The following OCA2 variants were observed in gnomAD, a reference collection of about 807,000 sequenced individuals.
OCA2 encodes OCA2 melanosomal transmembrane protein, also known as P protein.
In OCA2, 77 loss-of-function variants were observed where a neutral mutation model predicts 100.2. The observed-to-expected ratio is 0.77, with a 90% CI of 0.64 to 0.93. OCA2 has a LOEUF of 0.93. Ranked by LOEUF, OCA2 falls within the 40% of genes least tolerant of loss-of-function variation. The pLI, the probability that OCA2 is intolerant of heterozygous loss-of-function variation, is 0.00. For synonymous variants in OCA2, 432 were observed against 439.2 expected, an observed-to-expected ratio of 0.98 and a Z score of 0.21; for missense variants, 1,062 against 1,089.1, an observed-to-expected ratio of 0.98 and a Z score of 0.35.
intron 15 of OCA2, among the ~76,000 whole-genome samples, chr15:27,966,009 C>T (rs1261584440): frequency 1.3e-5 from 2 of 152,112 alleles, no homozygotes; most frequent in Non-Finnish European, 2.9e-5. Flanking sequence ...TTCACTCTGT[C>T]GCCCAGGCTG....
intron 23 of OCA2, among the ~76,000 whole-genome samples, chr15:27,769,334 G>C (rs545347394): frequency 6.6e-6 from 1 of 152,304 alleles, no homozygotes; most frequent in East Asian, 1.9e-4. Flanking sequence ...TTAAAAACCT[G>C]CCTGTGCTGA....
Position 27,913,882 on chromosome 15 carries a change from A to G in OCA2, c.2079+12245T>C, listed in dbSNP as rs367700199. Among the ~76,000 whole-genome samples the G allele has an allele frequency of 0.031, 1,865 of 59,658 alleles. 291 individuals are homozygous for G. The East Asian group carries it at 0.53, about 17-fold the overall frequency. The allele number at this position is 59,658 out of a possible 152,430, so 39.1% of individuals were successfully genotyped here. ...AAGAAAGAAAGAAAGAAAGAAAGAA[A>G]GAAAGAAAGAAAGCAAGCAAGCAAG... On this transcript the variant is annotated intron_variant, in intron 19 of 23. Coordinates refer to ENST00000354638, the MANE Select transcript of OCA2 (RefSeq NM_000275.3).
Position 28,032,047 on chromosome 15 carries a change from A to C in OCA2, c.326+18T>G, listed in dbSNP as rs760274825. 6.3e-7 allele frequency: 1 copy of C among 1,582,714 alleles called. No homozygotes were observed. Among genetic ancestry groups the C allele is most frequent in the Non-Finnish European group, 8.7e-7 (1 of 1,151,306 alleles). On this transcript the variant is annotated intron_variant, in intron 3 of 23. Coordinates refer to ENST00000354638, the MANE Select transcript of OCA2 (RefSeq NM_000275.3). Reference sequence around the variant, plus strand: ...GCTCAGAAACTCTTACTTTCATATGAGGGGGAAAATATCTCACCCTTTCTC... The same window carrying C: ...GCTCAGAAACTCTTACTTTCATATGCGGGGGAAAATATCTCACCCTTTCTC...
chr15:27,853,470 G>A (rs570610918), intron 21 of OCA2, among the ~76,000 whole-genome samples: 94 of 148,826 alleles, frequency 6.3e-4, no homozygotes, highest in African/African-American at 2.3e-3. Flanking sequence ...TATACCTAAT[G>A]CTAAATGACG....
chr15:27,913,881 AAG>A lies in OCA2; in HGVS notation c.2079+12244_2079+12245del, dbSNP rs1374277818. On this transcript the variant is annotated intron_variant, in intron 19 of 23. Coordinates refer to ENST00000354638, the MANE Select transcript of OCA2 (RefSeq NM_000275.3). The stretch of plus-strand genomic sequence containing the variant: ...AAAGAAAGAAAGAAAGAAAGAAAGA[AAG>A]AAAGAAAGAAAGCAAGCAAGCAAGC... 9.9e-4 allele frequency among the ~76,000 whole-genome samples: 57 copies of A among 57,704 alleles called. 1 individual carries two copies. The highest frequency in any genetic ancestry group is 4.5e-3 in the East Asian group (1 of 220). The allele number at this position is 57,704 out of a possible 152,430, so 37.9% of individuals were successfully genotyped here. A position where few individuals can be genotyped will look rare whatever the true frequency, so the allele number is the denominator to read the frequency against.
intron 19 of OCA2, among the ~76,000 whole-genome samples, chr15:27,882,074 G>A (rs2037042448): frequency 6.6e-6 from 1 of 152,028 alleles, no homozygotes; most frequent in Non-Finnish European, 1.5e-5. Context: ...GTTCTCTTTG[G>A]TTTCAAAGAA....
chr15:27,871,312 G>A, intron 20 of OCA2, 54 bp from the exon 21 acceptor site: 1 of 1,395,448 alleles, frequency 7.2e-7, no homozygotes, highest in Admixed American at 1.7e-5. Context: ...CTTAGGGTCA[G>A]ACCCACCAGC....
At chr15:28,048,367 A>T (rs542613738) in intron 2 of OCA2, among the ~76,000 whole-genome samples, 123 of 152,332 alleles carry the variant, frequency 8.1e-4, no homozygotes, top group African/African-American at 1.1e-3. Flanking sequence ...AATACAAATG[A>T]AAGTCCAGAA....
chr15:28,037,401 C>G (rs1008015402), intron 2 of OCA2, among the ~76,000 whole-genome samples: 1 of 151,976 alleles, frequency 6.6e-6, no homozygotes, highest in Non-Finnish European at 1.5e-5. Flanking sequence ...TGTAACAGAG[C>G]CTATGCAGCA....
chr15:27,778,786 G>C (rs185761278), intron 23 of OCA2, among the ~76,000 whole-genome samples: 186 of 152,314 alleles, frequency 1.2e-3, no homozygotes, highest in Non-Finnish European at 2.2e-3. Flanking sequence ...AAGTGGCAGA[G>C]ACTTGGAAAA....
At chr15:27,920,787 G>T (rs2038828545) in intron 19 of OCA2, among the ~76,000 whole-genome samples, 1 of 151,578 alleles carries the variant, frequency 6.6e-6, no homozygotes, top group Non-Finnish European at 1.5e-5. Context: ...TTACATGAGG[G>T]ACTCAATATA....
Position 28,063,072 on chromosome 15 carries a change from T to C in OCA2, c.227+18576A>G, listed in dbSNP as rs75956118. ...ATTTCTCTATGACTTGCAGGATCAG[T>C]GTGCTGAAAATGTAGATTAATTTGG... On this transcript the variant is annotated intron_variant, in intron 2 of 23. Transcript: ENST00000354638. 8.7e-3 allele frequency among the ~76,000 whole-genome samples: 1,320 copies of C among 152,284 alleles called. 18 individuals are homozygous for C. Among genetic ancestry groups the C allele is most frequent in the African/African-American group, 0.03 (1,263 of 41,556 alleles).
intron 2 of OCA2, among the ~76,000 whole-genome samples, chr15:28,060,479 A>G (rs746160090): frequency 2.6e-5 from 4 of 152,206 alleles, no homozygotes; most frequent in Admixed American, 6.5e-5. Flanking sequence ...TAGTATCTCA[A>G]AAGTATTATT....
At chr15:27,831,305 A>AAAAAAAAAAAAAAC (rs2034946349) in intron 23 of OCA2, among the ~76,000 whole-genome samples, 1 of 151,404 alleles carries the variant, frequency 6.6e-6, no homozygotes, top group African/African-American at 2.4e-5. Flanking sequence ...AAAAAAAAAA[A>AAAAAAAAAAAAAAC]ATCGGTCTGA....
the OCA2 span, among the ~76,000 whole-genome samples, chr15:27,739,445 T>C: frequency 0.021 from 1,469 of 68,886 alleles, 5 homozygotes; most frequent in South Asian, 0.059. Context: ...TCTTTCTTTT[T>C]TTTTTTTTTT....
chr15:27,922,097 G>A (rs2038878609), intron 19 of OCA2, among the ~76,000 whole-genome samples: 1 of 152,172 alleles, frequency 6.6e-6, no homozygotes, highest in Admixed American at 6.5e-5. Flanking sequence ...TTTACAAGGT[G>A]AATCATCTGT....
chr15:27,824,916 T>C (rs2034658984), intron 23 of OCA2, among the ~76,000 whole-genome samples: 1 of 151,994 alleles, frequency 6.6e-6, no homozygotes, highest in Admixed American at 6.6e-5. Flanking sequence ...ACCCTGCTAG[T>C]CACAGGGGGC....
chr15:28,025,027 A>G (rs2141320820), intron 4 of OCA2, 125 bp from the exon 5 acceptor site: 1 of 882,938 alleles, frequency 1.1e-6, no homozygotes, highest in Non-Finnish European at 1.9e-6. Flanking sequence ...TTTCCATAAC[A>G]TGATATGAGG....
At chr15:27,735,647 A>C in the OCA2 span, among the ~76,000 whole-genome samples, 1 of 152,208 alleles carries the variant, frequency 6.6e-6, no homozygotes, top group Non-Finnish European at 1.5e-5. Context: ...AAGGAGTTAC[A>C]ATATGGCTAG....
Sources: gnomAD v4.1 joint callset for allele counts (sites outside exome capture counted in the v4.1 genomes callset) on GRCh38, gnomAD v4.1.1 for gene constraint, MANE v1.5 for transcripts, NCBI Gene and HGNC (gene_info 2026-07-23, HGNC 2026-07-21) for gene names.